Variants in NRXN3 observed in about 807,000 individuals in gnomAD.
NRXN3 encodes neurexin III.
NRXN3 carries 32 observed loss-of-function variants against 137.6 expected under a neutral mutation model. The observed-to-expected ratio is 0.23, with a 90% CI of 0.18 to 0.31. The LOEUF is 0.31. Among genes scored for constraint, NRXN3 ranks in the 10% least tolerant of loss-of-function variants. The pLI is 1.00. For missense variants in NRXN3, 1,574 were observed against 2,062.5 expected (o/e 0.76, Z 4.59); for synonymous variants, 798 against 784.5 (o/e 1.02, Z -0.29).
rs115316424 is a variant in NRXN3 at position 79,487,133 on chromosome 14, G to A, written c.3444+19731G>A. The stretch of plus-strand genomic sequence containing the variant: ...TATCTATGACTCAGTTTCCTCATCC[G>A]TTGAAATTGGGGATAAAAAAGTTCC... On this transcript the variant is annotated intron_variant, in intron 16 of 20. Coordinates refer to ENST00000335750, the MANE Select transcript of NRXN3 (RefSeq NM_001330195.2). Among the ~76,000 whole-genome samples the A allele has an allele frequency of 3.5e-3, 540 of 152,170 alleles. 3 individuals are homozygous for A. Among genetic ancestry groups the A allele is most frequent in the African/African-American group, 0.012 (507 of 41,488 alleles).
chr14:79,096,497 C>G (rs115790867), intron 15 of NRXN3, among the ~76,000 whole-genome samples: 1 of 151,984 alleles, frequency 6.6e-6, no homozygotes, highest in Non-Finnish European at 1.5e-5. Flanking sequence ...ACTTGTGTTC[C>G]ACCACTAATA....
intron 10 of NRXN3, among the ~76,000 whole-genome samples, chr14:78,829,947 T>C (rs2152394725): frequency 6.6e-6 from 1 of 152,278 alleles, no homozygotes; most frequent in East Asian, 1.9e-4. Flanking sequence ...ATGTTTCACA[T>C]GAATGCAACA....
At chr14:78,945,553 A>C (rs2099363480) in intron 10 of NRXN3, among the ~76,000 whole-genome samples, 1 of 152,210 alleles carries the variant, frequency 6.6e-6, no homozygotes, top group African/African-American at 2.4e-5. Flanking sequence ...AGTTAAGGAC[A>C]AAATGGAACG....
chr14:78,437,748 A>G (rs563845866), intron 4 of NRXN3, among the ~76,000 whole-genome samples: 1 of 152,306 alleles, frequency 6.6e-6, no homozygotes, highest in Admixed American at 6.5e-5. Context: ...TAGACTCACT[A>G]AAAACTGTTC....
chr14:78,530,970 A>T (rs2096454109), intron 4 of NRXN3, among the ~76,000 whole-genome samples: 1 of 152,058 alleles, frequency 6.6e-6, no homozygotes, highest in Non-Finnish European at 1.5e-5. Context: ...CTTCTTGACT[A>T]TTGGGTCTCT....
intron 15 of NRXN3, among the ~76,000 whole-genome samples, chr14:79,359,927 T>C (rs929558563): frequency 1.2e-4 from 19 of 152,260 alleles, no homozygotes; most frequent in African/African-American, 4.6e-4. Context: ...CAATCAGAAC[T>C]TAATGAGAAC....
chr14:79,686,347 AG>A (rs2098694836), intron 17 of NRXN3, among the ~76,000 whole-genome samples: 1 of 152,122 alleles, frequency 6.6e-6, no homozygotes, highest in South Asian at 2.1e-4. Context: ...AGACTGAAAA[AG>A]GTTTTGGAAG....
intron 2 of NRXN3, among the ~76,000 whole-genome samples, chr14:78,257,130 C>T (rs567969830): frequency 3.3e-5 from 5 of 152,324 alleles, no homozygotes; most frequent in Admixed American, 6.5e-5. Context: ...GGATTACTAA[C>T]GCTATCATTT....
intron 8 of NRXN3, among the ~76,000 whole-genome samples, chr14:78,771,639 C>T (rs2098728317): frequency 6.6e-6 from 1 of 152,160 alleles, no homozygotes. Flanking sequence ...AGGGAGCAAC[C>T]TGCAGACAGG....
chr14:78,993,072 A>G lies in NRXN3; in HGVS notation c.3262+4931A>G, dbSNP rs1598325541. ...GATGTTCTTTGCTTGCAACAAATCA[A>G]TAGCAAGCAGCTGTGGATAGTGCAG... On this transcript the variant is annotated intron_variant, in intron 15 of 20. Coordinates refer to ENST00000335750, the MANE Select transcript of NRXN3 (RefSeq NM_001330195.2). Among the ~76,000 whole-genome samples, 3 of 152,324 alleles carry G rather than the reference A, an allele frequency of 2.0e-5. No individual in the cohort carries two copies. In the East Asian group the frequency reaches 5.8e-4, roughly 29 times the overall value.
At chr14:78,337,758 A>G (rs753911080) in intron 4 of NRXN3, among the ~76,000 whole-genome samples, 2 of 152,204 alleles carry the variant, frequency 1.3e-5, no homozygotes, top group Non-Finnish European at 2.9e-5. Context: ...GGCCGTATAT[A>G]TAGTACTGAT....
At chr14:79,049,540 A>G (rs1186160296) in intron 15 of NRXN3, among the ~76,000 whole-genome samples, 1 of 152,220 alleles carries the variant, frequency 6.6e-6, no homozygotes, top group East Asian at 1.9e-4. Flanking sequence ...AACTCCCGTG[A>G]ATGTTGATAT....
intron 15 of NRXN3, among the ~76,000 whole-genome samples, chr14:79,428,970 A>G (rs2095701044): frequency 6.6e-6 from 1 of 152,186 alleles, no homozygotes; most frequent in South Asian, 2.1e-4. Flanking sequence ...CTATTTAACA[A>G]ATTCTTATGA....
At chr14:79,483,839 A>G (rs2096631079) in intron 16 of NRXN3, among the ~76,000 whole-genome samples, 1 of 152,012 alleles carries the variant, frequency 6.6e-6, no homozygotes, top group Non-Finnish European at 1.5e-5. Context: ...TGTTCTGTGC[A>G]CTCAAACTCT....
At chr14:78,275,087 T>G (rs2073386008) in intron 2 of NRXN3, among the ~76,000 whole-genome samples, 1 of 152,242 alleles carries the variant, frequency 6.6e-6, no homozygotes. Context: ...GTTTCTCACC[T>G]TCTTCAGGTA....
intron 15 of NRXN3, among the ~76,000 whole-genome samples, chr14:79,348,711 T>C (rs2093037478): frequency 6.6e-6 from 1 of 152,170 alleles, no homozygotes; most frequent in South Asian, 2.1e-4. Flanking sequence ...AGTAGGGCAG[T>C]CGCCACAATA....
intron 4 of NRXN3, among the ~76,000 whole-genome samples, chr14:78,642,659 G>A (rs768236654): frequency 3.3e-5 from 5 of 152,158 alleles, no homozygotes; most frequent in Non-Finnish European, 5.9e-5. Flanking sequence ...TTGTGATAAC[G>A]CCATTTGATT....
chr14:78,230,529 A>G (rs1378101054), intron 1 of NRXN3, among the ~76,000 whole-genome samples: 1 of 152,196 alleles, frequency 6.6e-6, no homozygotes, highest in Non-Finnish European at 1.5e-5. Context: ...TAAACCTGCC[A>G]TCCTTCTAAG....
At chr14:79,316,927 T>G (rs2088885038) in intron 15 of NRXN3, among the ~76,000 whole-genome samples, 1 of 151,968 alleles carries the variant, frequency 6.6e-6, no homozygotes, top group Non-Finnish European at 1.5e-5. Context: ...AGGTGAAAAG[T>G]CTGAAATAAA....
Sources: gnomAD v4.1 joint callset for allele counts (sites outside exome capture counted in the v4.1 genomes callset) on GRCh38, gnomAD v4.1.1 for gene constraint, MANE v1.5 for transcripts, NCBI Gene and HGNC (gene_info 2026-07-23, HGNC 2026-07-21) for gene names.